The following INSM2 variants were observed in gnomAD, a reference collection of about 807,000 sequenced individuals.
INSM2 encodes INSM transcriptional repressor 2.
In INSM2, 12 loss-of-function variants were observed where a neutral mutation model predicts 30.5. The ratio of observed to expected loss-of-function variants is 0.39; its 90% CI spans 0.25 to 0.64. The LOEUF is 0.64. Among genes scored for constraint, INSM2 ranks in the 30% least tolerant of loss-of-function variants. INSM2 has a pLI of 0.47. For missense variants in INSM2, 773 were observed against 819.2 expected (o/e 0.94, Z 0.69); for synonymous variants, 418 against 383.7 (o/e 1.09, Z -1.05).
rs371883019 is a variant in INSM2 at position 35,535,388 on chromosome 14, C to G, written c.1136C>G (p.Pro379Arg). Reference protein sequence around the residue: ...ARDSSGADQHPDSAPRQGLQV... With the variant: ...ARDSSGADQHRDSAPRQGLQV... Reference sequence around the variant, plus strand: ...GACAGCTCCGGGGCGGATCAGCACCCGGACAGCGCCCCGAGGCAGGGCCTC... The same window carrying G: ...GACAGCTCCGGGGCGGATCAGCACCGGGACAGCGCCCCGAGGCAGGGCCTC... Residue 379 changes from proline to arginine, a missense_variant, in exon 1 of 1, where the codon CCG becomes CGG. Pro to Arg is a moderately radical substitution (Grantham distance 103). Transcript: ENST00000307169. The G allele has an allele frequency of 3.7e-6, 6 of 1,611,546 alleles. No individual in the cohort carries two copies. The highest frequency in any genetic ancestry group is 1.1e-5 in the South Asian group (1 of 90,996).
rs1349294077 is a variant in INSM2 at position 35,534,988 on chromosome 14, C to G, written c.736C>G (p.Pro246Ala). ...VLGLKIKEEE[P>A]GAPSRGLGGS... ...GGGCCTGAAGATCAAGGAGGAGGAGCCCGGAGCGCCGTCCCGGGGCTTGGG... is the reference window on the plus strand; with the variant it reads ...GGGCCTGAAGATCAAGGAGGAGGAGGCCGGAGCGCCGTCCCGGGGCTTGGG... The change falls in exon 1 of 1, where the codon CCC becomes GCC. Residue 246 changes from proline (P) to alanine (A), a missense_variant. Coordinates refer to ENST00000307169, the MANE Select transcript of INSM2 (RefSeq NM_032594.4). The G allele has an allele frequency of 5.1e-6, 8 of 1,563,728 alleles. No homozygotes were observed. The highest frequency in any genetic ancestry group is 1.7e-4 in the Middle Eastern group (1 of 5,800).
Position 35,535,251 on chromosome 14 carries a change from T to A in INSM2, c.999T>A (p.Pro333=), listed in dbSNP as rs779996585. ...ATVSSADGKP[P]SSSSSSSRDS... ...TCTCCTCCGCCGACGGGAAGCCGCC[T>A]TCTTCGTCGTCTTCGTCCTCCCGGG... Residue 333 remains proline (P), a synonymous_variant, in exon 1 of 1, where the codon CCT becomes CCA. Coordinates refer to ENST00000307169, the MANE Select transcript of INSM2 (RefSeq NM_032594.4). 8 of 1,613,536 alleles carry A rather than the reference T, an allele frequency of 5.0e-6. No homozygotes were observed. The highest frequency in any genetic ancestry group is 5.9e-6 in the Non-Finnish European group (7 of 1,179,944).
chr14:35,534,906 G>A lies in INSM2; in HGVS notation c.654G>A (p.Lys218=). 2 of 1,594,982 alleles carry A rather than the reference G, an allele frequency of 1.3e-6. No individual in the cohort carries two copies. Among genetic ancestry groups the A allele is most frequent in the South Asian group, 2.2e-5 (2 of 88,964 alleles). Residue 218 remains lysine, a synonymous_variant, in exon 1 of 1, where the codon AAG becomes AAA. Transcript: ENST00000307169. ...GACCCGCGGCCGCGGGAATCAAGAA[G>A]CCAAAGGCCATGAGGAAGTTGAGCT... ...ASGPAAAGIK[K]PKAMRKLSFA... is the part of the protein sequence containing the mutation.
rs772243959 is a variant in INSM2 at position 35,535,295 on chromosome 14, C to A, written c.1043C>A (p.Ser348Tyr). 6.2e-7 allele frequency: 1 copy of A among 1,612,814 alleles called. No homozygotes were observed. Residue 348 changes from serine (S) to tyrosine (Y), a missense_variant, in exon 1 of 1, where the codon TCT becomes TAT. By Grantham distance (144) the Ser-to-Tyr change is moderately radical. Transcript: ENST00000307169. ...SSSRDSGAIA[S>Y]FLAEGKENSR... The stretch of plus-strand genomic sequence containing the variant: ...TCCCGGGACTCCGGGGCCATTGCAT[C>A]TTTTCTGGCGGAGGGAAAGGAGAAC...
rs1411167112 is a variant in INSM2, at chr14:35,534,675, C to A, written c.423C>A (p.Gly141=). The A allele has an allele frequency of 1.0e-5, 14 of 1,401,560 alleles. No individual in the cohort carries two copies. The highest frequency in any genetic ancestry group is 1.5e-5 in the African/African-American group (1 of 65,856). The allele number at this position is 1,401,560 out of a possible 1,614,324, so 86.8% of individuals were successfully genotyped here. A position where few individuals can be genotyped will look rare whatever the true frequency, so the allele number is the denominator to read the frequency against. The change falls in exon 1 of 1, where the codon GGC becomes GGA. Residue 141 remains glycine (G), a synonymous_variant. Transcript: ENST00000307169. The stretch of plus-strand genomic sequence containing the variant: ...TCTCCGCCGAGTCTTTCCCCGGGGG[C>A]GCCGCCGCCGTGGCCGCTTTCTCCT... ...SPVSAESFPG[G]AAAVAAFSCS...
In INSM2 at chr14:35,535,808, G is replaced by A. The variant is rs1299404890; in HGVS notation, c.1556G>A (p.Gly519Glu). The A allele has an allele frequency of 6.2e-7, 1 of 1,613,808 alleles. No individual in the cohort carries two copies. Among genetic ancestry groups the A allele is most frequent in the Non-Finnish European group, 8.5e-7 (1 of 1,180,034 alleles). Residue 519 changes from glycine to glutamate, a missense_variant, in exon 1 of 1, where the codon GGG becomes GAG. By Grantham distance (98) the Gly-to-Glu change is moderately conservative. Transcript: ENST00000307169. ...TCGGGCCCTAGCGGGCCATCTGACG[G>A]GAGTGCCCAGCAAATTTTCTCGTGC... ...ETSGPSGPSD[G>E]SAQQIFSCKH...
In INSM2 at chr14:35,535,325, G is replaced by T. The variant is rs111993791; in HGVS notation, c.1073G>T (p.Arg358Leu). 1.1e-4 allele frequency: 172 copies of T among 1,611,178 alleles called. 5 individuals carry two copies. The Middle Eastern group carries it at 2.5e-3, about 23-fold the overall frequency. The change falls in exon 1 of 1, where the codon CGA becomes CTA. Residue 358 changes from arginine (R) to leucine (L), a missense_variant. Physicochemically the swap from Arg to Leu is moderately radical, Grantham distance 102 (BLOSUM62 -2). Coordinates refer to ENST00000307169, the MANE Select transcript of INSM2 (RefSeq NM_032594.4). ...SFLAEGKENS[R>L]IERTADQHPQ... is the part of the protein sequence containing the mutation. ...CTGGCGGAGGGAAAGGAGAACAGCC[G>T]AATAGAGCGGACTGCGGATCAGCAC...
chr14:35,535,143 C>A lies in INSM2; in HGVS notation c.891C>A (p.Asp297Glu), dbSNP rs759748309. The A allele has an allele frequency of 6.2e-7, 1 of 1,611,066 alleles. No homozygotes were observed. Among genetic ancestry groups the A allele is most frequent in the Non-Finnish European group, 8.5e-7 (1 of 1,178,882 alleles). Reference protein sequence around the residue: ...VRVEYRCPECDKVFSCPANLA... With the variant: ...VRVEYRCPECEKVFSCPANLA... ...TAGAGTACCGCTGCCCTGAGTGCGA[C>A]AAGGTGTTCAGCTGTCCTGCGAACC... Residue 297 changes from aspartate to glutamate, a missense_variant, in exon 1 of 1, where the codon GAC becomes GAA. Coordinates refer to ENST00000307169, the MANE Select transcript of INSM2 (RefSeq NM_032594.4).
rs781143895 is a variant in INSM2, at chr14:35,534,214, C to T, written c.-39C>T. The T allele has an allele frequency of 7.7e-6, 12 of 1,552,754 alleles. No individual in the cohort carries two copies. Among genetic ancestry groups the T allele is most frequent in the Non-Finnish European group, 9.5e-6 (11 of 1,156,050 alleles). ...TGGCCGGCTCTCAGTCCCCGTGGCG[C>T]CCCCTTTCCTCTTGTCCCAGAGCGC... On this transcript the variant is annotated 5_prime_UTR_variant, in exon 1 of 1. Transcript: ENST00000307169.
At position 35,534,318 on chromosome 14, in the gene INSM2, G is replaced by C; in HGVS notation, c.66G>C (p.Ala22=). 2 of 1,593,480 alleles carry C rather than the reference G, an allele frequency of 1.3e-6. No individual in the cohort carries two copies. The highest frequency in any genetic ancestry group is 1.7e-6 in the Non-Finnish European group (2 of 1,170,828). ...GCGGCTTGTACCGAGTTCGCCTTGCGGAGCGTGTCTTCCCTCTGCTGGGGC... is the reference window on the plus strand; with the variant it reads ...GCGGCTTGTACCGAGTTCGCCTTGCCGAGCGTGTCTTCCCTCTGCTGGGGC... ...RTGGLYRVRL[A]ERVFPLLGPQ... Residue 22 remains alanine (A), a synonymous_variant, in exon 1 of 1, where the codon GCG becomes GCC. Coordinates refer to ENST00000307169, the MANE Select transcript of INSM2 (RefSeq NM_032594.4).
rs765357757 is a variant in INSM2 at position 35,535,226 on chromosome 14, TCTC to T, written c.979_981del (p.Ser327del). 27 of 1,613,264 alleles carry T rather than the reference TCTC, an allele frequency of 1.7e-5. No individual in the cohort carries two copies. The highest frequency in any genetic ancestry group is 2.3e-5 in the Non-Finnish European group (27 of 1,179,930). ...CCTGCGGCTGCAAACGCCGCCACAG[TCTC>T]CTCCGCCGACGGGAAGCCGCCTTCT... On this transcript the variant is annotated inframe_deletion, in exon 1 of 1. Transcript: ENST00000307169.
rs1192711773 is a variant in INSM2 at position 35,534,197 on chromosome 14, T to A, written c.-56T>A. 5.2e-6 allele frequency: 8 copies of A among 1,541,608 alleles called. No homozygotes were observed. Among genetic ancestry groups the A allele is most frequent in the Non-Finnish European group, 6.1e-6 (7 of 1,150,384 alleles). On this transcript the variant is annotated 5_prime_UTR_variant, in exon 1 of 1. Transcript: ENST00000307169. ...TCTTCTAGTTCATCTGCTGGCCGGC[T>A]CTCAGTCCCCGTGGCGCCCCCTTTC...
rs557314090 is a variant in INSM2 at position 35,535,013 on chromosome 14, G to C, written c.761G>C (p.Gly254Ala). Residue 254 changes from glycine to alanine, a missense_variant, in exon 1 of 1, where the codon GGG (glycine) becomes GCG (alanine). Gly to Ala is a moderately conservative substitution (Grantham distance 60). Transcript: ENST00000307169. ...EEPGAPSRGLGGSRTPLGEFI... is the reference protein window; with the variant it reads ...EEPGAPSRGLAGSRTPLGEFI... ...CCCGGAGCGCCGTCCCGGGGCTTGG[G>C]GGGCAGCCGCACGCCACTGGGGGAG... is the stretch of plus-strand genomic sequence containing the variant. 13 of 1,574,086 alleles carry C rather than the reference G, an allele frequency of 8.3e-6. No individual in the cohort carries two copies. In the Admixed American group the frequency reaches 2.4e-4, roughly 29 times the overall value.
chr14:35,535,842 CCCGT>C lies in INSM2; in HGVS notation c.1593_1596del (p.Ser532LeufsTer8). 1.9e-6 allele frequency: 3 copies of C among 1,614,124 alleles called. No individual in the cohort carries two copies. The South Asian group carries it at 3.3e-5, about 18-fold the overall frequency. ...AGCAAATTTTCTCGTGCAAGCACTG[CCCGT>C]CCACTTTTTTTAGCTCTCCAGGGCT... On this transcript the variant is annotated frameshift_variant, in exon 1 of 1. Transcript: ENST00000307169. LOFTEE classifies it high-confidence loss of function.
At position 35,535,640 on chromosome 14, in the gene INSM2, A is replaced by G; in HGVS notation, c.1388A>G (p.Glu463Gly). ...GCGCTAGCGCCGGGCTTTGGCTCCG[A>G]ACGCGGTGCCCCACTTGCCTTCGCT... The part of the protein sequence containing the change: ...ARALAPGFGS[E>G]RGAPLAFACP... Residue 463 changes from glutamate to glycine, a missense_variant, in exon 1 of 1, where the codon GAA becomes GGA. Glu to Gly is a moderately conservative substitution (Grantham distance 98, BLOSUM62 -2). Transcript: ENST00000307169. The G allele has an allele frequency of 6.2e-7, 1 of 1,613,136 alleles. No individual in the cohort carries two copies. Among genetic ancestry groups the G allele is most frequent in the Middle Eastern group, 1.7e-4 (1 of 6,060 alleles).
rs757132560 is a variant in INSM2, at chr14:35,535,485, A to G, written c.1233A>G (p.Val411=). The change falls in exon 1 of 1, where the codon GTA becomes GTG. Residue 411 remains valine (V), a synonymous_variant. Transcript: ENST00000307169. ...PYTEGVLGRR[V]PVPGSTSGGR... is the part of the protein sequence containing the mutation. ...CGGAGGGGGTGTTGGGGCGCCGGGTACCTGTGCCGGGCAGTACCAGTGGTG... is the reference window on the plus strand; with the variant it reads ...CGGAGGGGGTGTTGGGGCGCCGGGTGCCTGTGCCGGGCAGTACCAGTGGTG... 2.0e-5 allele frequency: 32 copies of G among 1,613,072 alleles called. No homozygotes were observed. The highest frequency in any genetic ancestry group is 2.5e-5 in the Non-Finnish European group (30 of 1,179,942).
Position 35,536,085 on chromosome 14 carries a change from T to C in INSM2, c.*132T>C. On this transcript the variant is annotated 3_prime_UTR_variant, in exon 1 of 1. Coordinates refer to ENST00000307169, the MANE Select transcript of INSM2 (RefSeq NM_032594.4). ...TGTTTTAATCCCCTAAAATTCTCCC[T>C]GTAGTCAATGTTCCACCAGAGGAGC... 1 of 1,109,370 alleles carries C rather than the reference T, an allele frequency of 9.0e-7. No homozygotes were observed. Among genetic ancestry groups the C allele is most frequent in the Non-Finnish European group, 1.3e-6 (1 of 771,162 alleles). 68.7% of individuals were successfully genotyped at this position (1,109,370 alleles called of 1,614,324 possible).
Position 35,535,553 on chromosome 14 carries a change from A to G in INSM2, c.1301A>G (p.Lys434Arg), listed in dbSNP as rs936149847. The change falls in exon 1 of 1, where the codon AAG becomes AGG. Residue 434 changes from lysine to arginine, a missense_variant. Lys to Arg is a conservative substitution (Grantham distance 26). Coordinates refer to ENST00000307169, the MANE Select transcript of INSM2 (RefSeq NM_032594.4). ...TTCGTGTGCCCATATTGCCACAAAA[A>G]GTTTCGTCGCCAAGCCTATCTGCGC... is the stretch of plus-strand genomic sequence containing the variant. ...EIFVCPYCHK[K>R]FRRQAYLRKH... 3 of 1,613,154 alleles carry G rather than the reference A, an allele frequency of 1.9e-6. No individual in the cohort carries two copies. Among genetic ancestry groups the G allele is most frequent in the Admixed American group, 3.3e-5 (2 of 60,012 alleles).
chr14:35,535,743 G>C lies in INSM2; in HGVS notation c.1491G>C (p.Glu497Asp). ...GGCTGTGGCATGCTGTCCGCGAGGA[G>C]CTGCTCCTGCCCGCTCTGGCGGGGG... ...KHRLWHAVRE[E>D]LLLPALAGAP... The change falls in exon 1 of 1, where the codon GAG becomes GAC. Residue 497 changes from glutamate (E) to aspartate (D), a missense_variant. Transcript: ENST00000307169. 6.2e-7 allele frequency: 1 copy of C among 1,613,462 alleles called. No homozygotes were observed. The highest frequency in any genetic ancestry group is 8.5e-7 in the Non-Finnish European group (1 of 1,179,966).
Sources: gnomAD v4.1 joint callset for allele counts on GRCh38, gnomAD v4.1.1 for gene constraint, MANE v1.5 for transcripts, NCBI Gene and HGNC (gene_info 2026-07-23, HGNC 2026-07-21) for gene names.